Variants in KYNU observed in about 807,000 individuals in gnomAD.
KYNU encodes L-kynurenine hydrolase.
A neutral mutation model predicts 59.2 loss-of-function variants in KYNU; 54 were observed. That is an observed-to-expected ratio of 0.91 (90% confidence interval 0.73 to 1.14). The LOEUF is 1.14. Among genes scored for constraint, KYNU ranks in the 50% most tolerant of loss-of-function variants. The probability of loss-of-function intolerance (pLI) is 0.00; values close to 1 mark genes in which losing one functional copy is unlikely to be tolerated. For missense variants in KYNU, 567 were observed against 554.4 expected, an observed-to-expected ratio of 1.02 and a Z score of -0.23; for synonymous variants, 177 against 192.0, an observed-to-expected ratio of 0.92 and a Z score of 0.65.
intron 10 of KYNU, among the ~76,000 whole-genome samples, chr2:143,020,972 T>C (rs537258895): frequency 2.6e-5 from 4 of 152,334 alleles, no homozygotes; most frequent in Non-Finnish European, 5.9e-5. Context: ...TTTTGTATTT[T>C]TGTCAATCTG....
At chr2:143,002,272 T>G (rs1057188325) in intron 10 of KYNU, among the ~76,000 whole-genome samples, 1 of 152,198 alleles carries the variant, frequency 6.6e-6, no homozygotes, top group East Asian at 1.9e-4. Flanking sequence ...TTATACTTTT[T>G]CAGATATAAA....
chr2:142,974,453 G>A (rs1172419310), intron 8 of KYNU, among the ~76,000 whole-genome samples: 2 of 152,208 alleles, frequency 1.3e-5, no homozygotes, highest in African/African-American at 4.8e-5. Context: ...GTATGACTCA[G>A]CTTTCAGCTT....
chr2:142,907,796 G>A (rs1439321065), intron 2 of KYNU, among the ~76,000 whole-genome samples: 1 of 152,192 alleles, frequency 6.6e-6, no homozygotes, highest in Admixed American at 6.5e-5. Context: ...TCAGGTGTGA[G>A]CTGAGTTACC....
chr2:142,882,927 C>T (rs1475774820), intron 1 of KYNU, among the ~76,000 whole-genome samples: 1 of 152,146 alleles, frequency 6.6e-6, no homozygotes, highest in Non-Finnish European at 1.5e-5. Flanking sequence ...AATGGTTGAA[C>T]TAGTTTACAG....
At chr2:143,040,858 A>G (rs1013206587) in intron 13 of KYNU, among the ~76,000 whole-genome samples, 200 bp downstream of exon 13, 1 of 152,088 alleles carries the variant, frequency 6.6e-6, no homozygotes, top group African/African-American at 2.4e-5. Context: ...AAAAGAGAAG[A>G]TACCACAAAC....
chr2:143,028,240 A>ATTTT (rs376260705), intron 10 of KYNU, among the ~76,000 whole-genome samples: 2 of 77,350 alleles, frequency 2.6e-5, no homozygotes, highest in Admixed American at 1.6e-4. Flanking sequence ...CTTATTTTAC[A>ATTTT]TTCTTTTTTT....
At chr2:142,986,636 C>A (rs541849265) in intron 10 of KYNU, among the ~76,000 whole-genome samples, 2 of 151,732 alleles carry the variant, frequency 1.3e-5, no homozygotes, top group South Asian at 2.1e-4. Context: ...CAAACTTACA[C>A]ATTTTTATTT....
chr2:142,934,318 C>T (rs528859561), intron 4 of KYNU, among the ~76,000 whole-genome samples: 33 of 151,868 alleles, frequency 2.2e-4, no homozygotes, highest in African/African-American at 7.5e-4. Flanking sequence ...GGGTTAACTA[C>T]GGATGGGGGA....
Position 143,040,665 on chromosome 2 carries a change from A to T in KYNU, c.1272+7A>T. 6.3e-7 allele frequency: 1 copy of T among 1,577,054 alleles called. No homozygotes were observed. The highest frequency in any genetic ancestry group is 8.7e-7 in the Non-Finnish European group (1 of 1,153,138). On this transcript the variant is annotated splice_region_variant and intron_variant, in intron 13 of 13. Coordinates refer to ENST00000264170, the MANE Select transcript of KYNU (RefSeq NM_003937.3). ...AGAAAAAAGAGGAGTGGTTGTAAGT[A>T]TGTCTTGCTTTGCTACCAGATTTTG... is the stretch of plus-strand genomic sequence containing the variant.
At chr2:143,032,001 GGC>G (rs1686759025) in intron 11 of KYNU, among the ~76,000 whole-genome samples, 1 of 152,078 alleles carries the variant, frequency 6.6e-6, no homozygotes, top group Non-Finnish European at 1.5e-5. Flanking sequence ...TTTTTGGCCG[GGC>G]GTGGTGGCTC....
chr2:142,906,923 C>T (rs1455787324), intron 2 of KYNU, among the ~76,000 whole-genome samples: 1 of 152,146 alleles, frequency 6.6e-6, no homozygotes, highest in Non-Finnish European at 1.5e-5. Flanking sequence ...ACCAACTCTC[C>T]CAACCCAGAA....
At chr2:143,042,018 A>T (rs778881336) in intron 13 of KYNU, 29 bp from the exon 14 acceptor site, 1 of 1,609,650 alleles carries the variant, frequency 6.2e-7, no homozygotes, top group South Asian at 1.1e-5. Context: ...TAATGCTAAC[A>T]TTATTGTGGC....
At chr2:142,927,580 T>C (rs113410235) in intron 3 of KYNU, 79 bp from the exon 4 acceptor site, 16 of 1,077,894 alleles carry the variant, frequency 1.5e-5, no homozygotes, top group African/African-American at 3.1e-5. Context: ...AAATGTTTAT[T>C]TGCTAAAGCT....
chr2:142,921,948 T>G (rs1325202074), intron 3 of KYNU, among the ~76,000 whole-genome samples: 1 of 152,212 alleles, frequency 6.6e-6, no homozygotes, highest in East Asian at 1.9e-4. Context: ...AATCAAACCC[T>G]GCATGTGTTC....
chr2:142,936,822 T>C (rs1222377107), intron 4 of KYNU, among the ~76,000 whole-genome samples: 1 of 152,174 alleles, frequency 6.6e-6, no homozygotes, highest in Non-Finnish European at 1.5e-5. Context: ...TGTGGCCTAC[T>C]CTCTGGGGTG....
intron 11 of KYNU, among the ~76,000 whole-genome samples, chr2:143,031,462 C>T (rs372245756): frequency 4.6e-5 from 7 of 152,190 alleles, no homozygotes; most frequent in South Asian, 2.1e-4. Context: ...CGAAGACTCA[C>T]GCCTGTAATC....
At chr2:142,942,096 G>T (rs1209645715) in intron 4 of KYNU, among the ~76,000 whole-genome samples, 1 of 147,502 alleles carries the variant, frequency 6.8e-6, no homozygotes, top group East Asian at 2.0e-4. Context: ...AGAGTTGCTG[G>T]AACCTGGGAG....
chr2:142,926,020 T>C (rs1190806203), intron 3 of KYNU, among the ~76,000 whole-genome samples: 1 of 152,042 alleles, frequency 6.6e-6, no homozygotes, highest in African/African-American at 2.4e-5. Flanking sequence ...CTCAGCTAAC[T>C]AACACAGGAA....
rs1387109429 is a variant in KYNU, at chr2:143,054,290, G to C, written c.*12118G>C. 2 of 151,770 alleles carry C rather than the reference G, an allele frequency of 1.3e-5. No individual in the cohort carries two copies. The highest frequency in any genetic ancestry group is 3.9e-4 in the East Asian group (2 of 5,172). 9.4% of individuals were successfully genotyped at this position (151,770 alleles called of 1,614,324 possible). A position where few individuals can be genotyped will look rare whatever the true frequency, so the allele number is the denominator to read the frequency against. ...TTTCTATTACTTTTTTTACATAATAGAGCTATAAAGGCAATTCACAATTCT... is the reference window on the plus strand; with the variant it reads ...TTTCTATTACTTTTTTTACATAATACAGCTATAAAGGCAATTCACAATTCT... On this transcript the variant is annotated 3_prime_UTR_variant, in exon 14 of 14. Transcript: ENST00000264170.
Sources: gnomAD v4.1 joint callset for allele counts (sites outside exome capture counted in the v4.1 genomes callset) on GRCh38, gnomAD v4.1.1 for gene constraint, MANE v1.5 for transcripts, NCBI Gene and HGNC (gene_info 2026-07-23, HGNC 2026-07-21) for gene names.